Variants in KANK3 observed in about 807,000 individuals in gnomAD.
The protein encoded by KANK3 is KN motif and ankyrin repeat domains 3.
KANK3 carries 61 observed loss-of-function variants against 65.4 expected under a neutral mutation model. That is an observed-to-expected ratio of 0.93 (90% CI 0.76 to 1.15). The LOEUF is 1.15. Ranked by LOEUF, KANK3 falls within the 50% of genes most tolerant of loss-of-function variation. The pLI is 0.00. For synonymous variants in KANK3, 586 were observed against 543.3 expected, an observed-to-expected ratio of 1.08 and a Z score of -1.09; for missense variants, 1,187 against 1,178.8, an observed-to-expected ratio of 1.01 and a Z score of -0.10.
At chr19:8,324,098 A>T (rs548521673) in intron 10 of KANK3, among the ~76,000 whole-genome samples, 1 of 152,120 alleles carries the variant, frequency 6.6e-6, no homozygotes, top group African/African-American at 2.4e-5. Flanking sequence ...GGTAGTGTCA[A>T]CCTCACTGGG....
rs772100856 is a variant in KANK3 at position 8,333,701 on chromosome 19, T to C, written c.1719+23A>G. 2.6e-5 allele frequency: 38 copies of C among 1,440,258 alleles called. No homozygotes were observed. Among genetic ancestry groups the C allele is most frequent in the Admixed American group, 5.4e-5 (2 of 36,784 alleles). 89.2% of individuals were successfully genotyped at this position (1,440,258 alleles called of 1,614,324 possible). A position where few individuals can be genotyped will look rare whatever the true frequency, so the allele number is the denominator to read the frequency against. ...TGGAGGCTCCCACGCCACTCCCTGG[T>C]GCTGCGCTCCCGGGGCACTCACGCC... On this transcript the variant is annotated intron_variant, in intron 6 of 10. Coordinates refer to ENST00000330915, the MANE Select transcript of KANK3 (RefSeq NM_198471.3). The surrounding 1 kb of genome is among the most constrained non-coding windows in gnomAD (Gnocchi z 5.0).
chr19:8,324,191 A>G (rs1158533182), intron 10 of KANK3, among the ~76,000 whole-genome samples: 2 of 152,156 alleles, frequency 1.3e-5, no homozygotes, highest in Admixed American at 1.3e-4. Flanking sequence ...GAGGATGCTG[A>G]GGCAGAAGGA....
chr19:8,335,014 G>A lies in KANK3; in HGVS notation c.813C>T (p.Ser271=), dbSNP rs1027558968. ...GRARASPRAD[S]PDGLAAGRSE... is the part of the protein sequence containing the mutation. ...TGCGCCCTGCAGCCAGGCCGTCTGGGCTGTCAGCCCGGGGGCTGGCCCTGG... is the reference window on the plus strand; with the variant it reads ...TGCGCCCTGCAGCCAGGCCGTCTGGACTGTCAGCCCGGGGGCTGGCCCTGG... Residue 271 remains serine (S), a synonymous_variant, in exon 3 of 11, where the codon AGC becomes AGT. Transcript: ENST00000330915. The A allele has an allele frequency of 2.7e-6, 4 of 1,464,318 alleles. No individual in the cohort carries two copies. Among genetic ancestry groups the A allele is most frequent in the Admixed American group, 5.2e-5 (2 of 38,422 alleles). 90.7% of individuals were successfully genotyped at this position (1,464,318 alleles called of 1,614,324 possible).
chr19:8,334,460 G>A lies in KANK3; in HGVS notation c.1327+40C>T, dbSNP rs1331188297. Reference sequence around the variant, plus strand: ...TGAGGGCACTGAGTTCGAGTCCGGCGCCGAGTAAGCCAGGGCCCAGCGACG... The same window carrying A: ...TGAGGGCACTGAGTTCGAGTCCGGCACCGAGTAAGCCAGGGCCCAGCGACG... On this transcript the variant is annotated intron_variant, in intron 3 of 10. Transcript: ENST00000330915. The A allele has an allele frequency of 8.7e-6, 14 of 1,610,460 alleles. No individual in the cohort carries two copies. The East Asian group carries it at 3.1e-4, about 36-fold the overall frequency.
At chr19:8,325,227 AC>A (rs1397379024) in intron 7 of KANK3, 131 bp from the exon 8 acceptor site, 2 of 891,862 alleles carry the variant, frequency 2.2e-6, no homozygotes, top group Non-Finnish European at 1.6e-6. Flanking sequence ...CACAATAGCT[AC>A]CTGGTTCCTC....
At chr19:8,326,728 C>T (rs958309252) in intron 7 of KANK3, among the ~76,000 whole-genome samples, 12 of 146,930 alleles carry the variant, frequency 8.2e-5, no homozygotes, top group East Asian at 4.1e-4. Context: ...ACCCGGGGGA[C>T]GGAGCTTGCA....
intron 7 of KANK3, among the ~76,000 whole-genome samples, chr19:8,328,644 G>C (rs1406085447): frequency 6.6e-6 from 1 of 152,056 alleles, no homozygotes; most frequent in Non-Finnish European, 1.5e-5. Flanking sequence ...AATTGTCCCC[G>C]CAAGGTCCAA....
intron 7 of KANK3, among the ~76,000 whole-genome samples, chr19:8,329,478 G>A (rs1249624327): frequency 9.2e-6 from 1 of 108,632 alleles, no homozygotes; most frequent in African/African-American, 3.8e-5. Context: ...AGGCAACAGA[G>A]CAAGACTCGG....
Position 8,333,751 on chromosome 19 carries a change from G to C in KANK3, c.1692C>G (p.Ser564Arg). The C allele has an allele frequency of 6.8e-7, 1 of 1,481,252 alleles. No homozygotes were observed. Among genetic ancestry groups the C allele is most frequent in the Non-Finnish European group, 9.0e-7 (1 of 1,112,576 alleles). The allele number at this position is 1,481,252 out of a possible 1,614,324, so 91.8% of individuals were successfully genotyped here. A position where few individuals can be genotyped will look rare whatever the true frequency, so the allele number is the denominator to read the frequency against. ...CGTCGCTGGCTACTCCGCGGGGCCG[G>C]CTCAGCTGCCGCTGCAGCGCTACGC... ...EACVALQRQL[S>R]RPRGVASDGG... is the part of the protein sequence containing the mutation. The change falls in exon 6 of 11, where the codon AGC becomes AGG. Residue 564 changes from serine to arginine, a missense_variant. Ser to Arg is a moderately radical substitution (Grantham distance 110). Coordinates refer to ENST00000330915, the MANE Select transcript of KANK3 (RefSeq NM_198471.3). This position sits in a 1 kb window ranked among gnomAD's most constrained non-coding sequence, Gnocchi z 5.0.
chr19:8,334,455 C>A (rs372495490), intron 3 of KANK3, 36 bp from the exon 4 acceptor site: 9 of 1,611,440 alleles, frequency 5.6e-6, no homozygotes, highest in Non-Finnish European at 7.6e-6. Flanking sequence ...GAGTTCGAGT[C>A]CGGCGCCGAG....
intron 2 of KANK3, 122 bp from the exon 3 acceptor site, chr19:8,335,914 TAACTC>T (rs1970630225): frequency 1.5e-6 from 1 of 660,252 alleles, no homozygotes; most frequent in East Asian, 3.4e-5. Context: ...ACCCAAGTAT[TAACTC>T]AATCGCTTGT....
At chr19:8,331,430 T>C (rs530373883) in intron 7 of KANK3, among the ~76,000 whole-genome samples, 142 of 152,174 alleles carry the variant, frequency 9.3e-4, no homozygotes, top group Non-Finnish European at 7.2e-4. Flanking sequence ...CATAAAGACC[T>C]GCAGGGATGG....
chr19:8,337,889 G>A, intron 1 of KANK3, 33 bp from the exon 2 acceptor site: 1 of 1,611,230 alleles, frequency 6.2e-7, no homozygotes, highest in Non-Finnish European at 8.5e-7. Context: ...GCTGGGCGCT[G>A]TCCCTCTGGC....
intron 7 of KANK3, among the ~76,000 whole-genome samples, chr19:8,332,303 G>A (rs1970540055): frequency 1.3e-5 from 2 of 151,896 alleles, no homozygotes; most frequent in Non-Finnish European, 2.9e-5. Context: ...TCAGCCTCCT[G>A]AGTAGCTGGA....
Position 8,334,099 on chromosome 19 carries a change from CTGGAGGAGCTCTCGTACCTGGGGGCAGGG to C in KANK3, c.1428-12_1444del. 6.6e-7 allele frequency: 1 copy of C among 1,520,910 alleles called. No homozygotes were observed. Among genetic ancestry groups the C allele is most frequent in the South Asian group, 1.2e-5 (1 of 82,658 alleles). 94.2% of individuals were successfully genotyped at this position (1,520,910 alleles called of 1,614,324 possible). ...GCCATCGCTGTCGCTGGCGTCCTCGCTGGAGGAGCTCTCGTACCTGGGGGCAGGGTGGGAGGTGTCTGCTAAACCTCCCC... is the reference window on the plus strand; with the variant it reads ...GCCATCGCTGTCGCTGGCGTCCTCGCTGGGAGGTGTCTGCTAAACCTCCCC... On this transcript the variant is annotated splice_acceptor_variant and splice_polypyrimidine_tract_variant and coding_sequence_variant and intron_variant, in exon 5 of 11. Coordinates refer to ENST00000330915, the MANE Select transcript of KANK3 (RefSeq NM_198471.3). LOFTEE classifies it high-confidence loss of function.
In KANK3 at chr19:8,325,023, C is replaced by T. The variant is rs747180792; in HGVS notation, c.2010G>A (p.Arg670=). 6.2e-7 allele frequency: 1 copy of T among 1,613,958 alleles called. No homozygotes were observed. The highest frequency in any genetic ancestry group is 1.1e-5 in the South Asian group (1 of 91,084). The change falls in exon 8 of 11, where the codon AGG becomes AGA. Residue 670 remains arginine (R), a synonymous_variant. Transcript: ENST00000330915. ...ALMLAALTSV[R]QEEEDMAVVQ... ...CCACAGCCATGTCCTCCTCTTCCTG[C>T]CTCACAGAGGTGAGTGCAGCCAGCA...
chr19:8,325,296 CTTTTTT>C (rs573315741), intron 7 of KANK3, among the ~76,000 whole-genome samples, 200 bp from the exon 8 acceptor site: 8 of 78,636 alleles, frequency 1.0e-4, no homozygotes, highest in Admixed American at 3.1e-4. Flanking sequence ...CCTGTTTCAT[CTTTTTT>C]TTTTTTTTTT....
At position 8,334,886 on chromosome 19, in the gene KANK3, G is replaced by T; in HGVS notation, c.941C>A (p.Ala314Glu). The change falls in exon 3 of 11, where the codon GCG becomes GAG. Residue 314 changes from alanine (A) to glutamate (E), a missense_variant. By Grantham distance (107) the Ala-to-Glu change is moderately radical. Transcript: ENST00000330915. ...AAEAVPETREAGAQAVPETRE... is the reference protein window; with the variant it reads ...AAEAVPETREEGAQAVPETRE... Reference sequence around the variant, plus strand: ...GGTCTCCGGCACGGCCTGGGCACCCGCTTCTCGGGTCTCGGGCACGGCCTC... The same window carrying T: ...GGTCTCCGGCACGGCCTGGGCACCCTCTTCTCGGGTCTCGGGCACGGCCTC... The T allele has an allele frequency of 6.9e-7, 1 of 1,457,266 alleles. No homozygotes were observed. Among genetic ancestry groups the T allele is most frequent in the Non-Finnish European group, 9.0e-7 (1 of 1,113,972 alleles). 90.3% of individuals were successfully genotyped at this position (1,457,266 alleles called of 1,614,324 possible).
In KANK3 at chr19:8,333,275, C is replaced by T. The variant is rs199706038; in HGVS notation, c.1720-45G>A. On this transcript the variant is annotated intron_variant, in intron 6 of 10. Coordinates refer to ENST00000330915, the MANE Select transcript of KANK3 (RefSeq NM_198471.3). The surrounding 1 kb of genome is among the most constrained non-coding windows in gnomAD (Gnocchi z 5.0). ...AGATAACATCGGCGATGGTCCACGG[C>T]GGCGCCGTGGTGGGGGAGCTGGGGA... The T allele has an allele frequency of 2.3e-5, 35 of 1,504,196 alleles. No individual in the cohort carries two copies. In the East Asian group the frequency reaches 7.1e-4, roughly 30 times the overall value. 93.2% of individuals were successfully genotyped at this position (1,504,196 alleles called of 1,614,324 possible). A position where few individuals can be genotyped will look rare whatever the true frequency, so the allele number is the denominator to read the frequency against.
Sources: allele counts gnomAD v4.1 joint callset (sites outside exome capture counted in the v4.1 genomes callset), GRCh38; gene constraint gnomAD v4.1.1; non-coding constraint Gnocchi (gnomAD v3.1); transcripts MANE v1.5; gene names NCBI Gene and HGNC (gene_info 2026-07-23, HGNC 2026-07-21).